DNM1L: variants seen among roughly 807,000 people sequenced by gnomAD.
DNM1L encodes dynamin 1L, also known as dynamin-1-like protein.
A neutral mutation model predicts 92.8 loss-of-function variants in DNM1L; 33 were observed. The observed-to-expected ratio is 0.36, with a 90% CI of 0.27 to 0.48. The LOEUF is 0.48. DNM1L is among the 20% of genes least tolerant of loss of function. The pLI is 0.99. For synonymous variants in DNM1L, 284 were observed against 305.0 expected, an observed-to-expected ratio of 0.93 and a Z score of 0.72; for missense variants, 485 against 888.8, an observed-to-expected ratio of 0.55 and a Z score of 5.78.
rs1463562994 is a variant in DNM1L at position 32,713,185 on chromosome 12, C to T, written c.457-24C>T. 2.5e-6 allele frequency: 4 copies of T among 1,613,032 alleles called. No individual in the cohort carries two copies. The East Asian group carries it at 6.7e-5, about 27-fold the overall frequency. On this transcript the variant is annotated intron_variant, in intron 5 of 19. Coordinates refer to ENST00000549701, the MANE Select transcript of DNM1L (RefSeq NM_012062.5). ...TGAGTTGATTTTTAATTATTAGTTC[C>T]TTGCTCATCTCTGTTTGGTTTAGGT...
Position 32,686,544 on chromosome 12 carries a change from A to G in DNM1L, c.102+7079A>G, listed in dbSNP as rs778938071. 2.8e-4 allele frequency among the ~76,000 whole-genome samples: 43 copies of G among 152,188 alleles called. 1 individual carries two copies. Among genetic ancestry groups the G allele is most frequent in the Non-Finnish European group, 5.6e-4 (38 of 68,044 alleles). ...ACCACATTGGTTTATTCAATCACCT[A>G]TTGATGAGCAATTGGGTTGTTTCTG... On this transcript the variant is annotated intron_variant, in intron 1 of 19. Coordinates refer to ENST00000549701, the MANE Select transcript of DNM1L (RefSeq NM_012062.5).
rs183846598 is a variant in DNM1L at position 32,720,529 on chromosome 12, A to G, written c.741-135A>G. Reference sequence around the variant, plus strand: ...ATACAATGGGGTAATAATACCTGCCACATAAAATTATTGTGAGAATTAAAT... The same window carrying G: ...ATACAATGGGGTAATAATACCTGCCGCATAAAATTATTGTGAGAATTAAAT... On this transcript the variant is annotated intron_variant, in intron 7 of 19. Coordinates refer to ENST00000549701, the MANE Select transcript of DNM1L (RefSeq NM_012062.5). 11 of 1,330,554 alleles carry G rather than the reference A, an allele frequency of 8.3e-6. No individual in the cohort carries two copies. In the African/African-American group the frequency reaches 1.0e-4, roughly 12 times the overall value. The allele number at this position is 1,330,554 out of a possible 1,614,324, so 82.4% of individuals were successfully genotyped here.
In DNM1L at chr12:32,737,902, A is replaced by G; in HGVS notation, c.1634A>G (p.Gln545Arg). The change falls in exon 15 of 20, where the codon CAG becomes CGG. Residue 545 changes from glutamine (Q) to arginine (R), a missense_variant. Coordinates refer to ENST00000549701, the MANE Select transcript of DNM1L (RefSeq NM_012062.5). ...CCAAGTGCTTTGGCACCTGCCTCCC[A>G]GGAGCCCTCCCCCGCTGCTTCTGCT... The part of the protein sequence containing the change: ...KVPSALAPAS[Q>R]EPSPAASAEA... 1 of 1,613,960 alleles carries G rather than the reference A, an allele frequency of 6.2e-7. No homozygotes were observed. Among genetic ancestry groups the G allele is most frequent in the Non-Finnish European group, 8.5e-7 (1 of 1,179,980 alleles).
chr12:32,740,546 A>T (rs1234026269), intron 18 of DNM1L, 28 bp downstream of exon 18: 1 of 1,538,516 alleles, frequency 6.5e-7, no homozygotes. Context: ...TAAATGACGG[A>T]CTTTAATACT....
At chr12:32,711,427 C>T (rs891808999) in intron 5 of DNM1L, among the ~76,000 whole-genome samples, 3 of 151,798 alleles carry the variant, frequency 2.0e-5, no homozygotes, top group African/African-American at 4.8e-5. Flanking sequence ...AGTTGCTATT[C>T]GACATATACA....
At chr12:32,715,368 T>C (rs918019149) in intron 6 of DNM1L, among the ~76,000 whole-genome samples, 18 of 152,074 alleles carry the variant, frequency 1.2e-4, no homozygotes, top group African/African-American at 4.3e-4. Context: ...GTTGGAAAGA[T>C]TAAGTAAATT....
intron 9 of DNM1L, among the ~76,000 whole-genome samples, chr12:32,724,619 T>G (rs1397455853): frequency 7.5e-6 from 1 of 133,170 alleles, no homozygotes; most frequent in Non-Finnish European, 1.6e-5. Context: ...TATATATATA[T>G]AAATTATATT....
chr12:32,701,324 T>A lies in DNM1L; in HGVS notation c.103-91T>A, dbSNP rs892868096. On this transcript the variant is annotated intron_variant, in intron 1 of 19. Coordinates refer to ENST00000549701, the MANE Select transcript of DNM1L (RefSeq NM_012062.5). ...TGCACTAATTTTTCCTTTAAAATAA[T>A]TCTGTATGCTGGTTTGTTAATATAG... 5 of 1,157,240 alleles carry A rather than the reference T, an allele frequency of 4.3e-6. No homozygotes were observed. In the African/African-American group the frequency reaches 7.9e-5, roughly 18 times the overall value. The allele number at this position is 1,157,240 out of a possible 1,614,324, so 71.7% of individuals were successfully genotyped here.
chr12:32,692,735 A>G (rs1952281084), intron 1 of DNM1L: 1 of 152,240 alleles, frequency 6.6e-6, no homozygotes, highest in Admixed American at 6.5e-5. Flanking sequence ...TATCCATCTT[A>G]ACATTAGGCT....
At chr12:32,726,591 G>A in intron 9 of DNM1L, 2 of 1,175,638 alleles carry the variant, frequency 1.7e-6, no homozygotes, top group Non-Finnish European at 2.5e-6. Context: ...GAAGTCTGCA[G>A]CAAGGATAGC....
chr12:32,733,086 G>C (rs1954661764), intron 12 of DNM1L, among the ~76,000 whole-genome samples: 2 of 152,182 alleles, frequency 1.3e-5, no homozygotes, highest in Admixed American at 1.3e-4. Flanking sequence ...GGCAATGAGA[G>C]CGAAACTCCG....
intron 1 of DNM1L, among the ~76,000 whole-genome samples, chr12:32,684,806 A>G (rs1012060855): frequency 2.0e-5 from 3 of 152,192 alleles, no homozygotes; most frequent in Admixed American, 1.3e-4. Context: ...TGGCAGAATA[A>G]TAAATATTAC....
rs767560680 is a variant in DNM1L at position 32,740,390 on chromosome 12, C to T, written c.1885-19C>T. 105 of 1,600,756 alleles carry T rather than the reference C, an allele frequency of 6.6e-5. No homozygotes were observed. The highest frequency in any genetic ancestry group is 2.4e-4 in the African/African-American group (16 of 65,448). On this transcript the variant is annotated intron_variant, in intron 17 of 19. Coordinates refer to ENST00000549701, the MANE Select transcript of DNM1L (RefSeq NM_012062.5). ...TAGTGTCACAAAAGTAATATTTTTT[C>T]CCCCTCATCCCTATTTAGCCAGTTC...
At chr12:32,711,207 A>T in intron 5 of DNM1L, 192 bp downstream of exon 5, 2 of 561,886 alleles carry the variant, frequency 3.6e-6, no homozygotes, top group East Asian at 3.2e-5. Context: ...GTTTATCTCC[A>T]GTCTCACTGG....
At position 32,731,845 on chromosome 12, in the gene DNM1L, C is replaced by A; in HGVS notation, c.1357-9C>A. ...ACAAACACGTTTTTCTTTCATCTAC[C>A]ATTTGTAGGAATTGTTACGATTTCC... On this transcript the variant is annotated splice_polypyrimidine_tract_variant and intron_variant, in intron 11 of 19. Coordinates refer to ENST00000549701, the MANE Select transcript of DNM1L (RefSeq NM_012062.5). The surrounding 1 kb of genome is among the most constrained non-coding windows in gnomAD (Gnocchi z 5.1). 6.2e-7 allele frequency: 1 copy of A among 1,603,888 alleles called. No homozygotes were observed. The highest frequency in any genetic ancestry group is 1.1e-5 in the South Asian group (1 of 89,446).
rs180748899 is a variant in DNM1L, at chr12:32,691,820, A to G, written c.103-9595A>G. Among the ~76,000 whole-genome samples the G allele has an allele frequency of 8.7e-4, 133 of 152,354 alleles. No individual in the cohort carries two copies. In the Middle Eastern group the frequency reaches 0.01, roughly 12 times the overall value. ...AGGAGAGAAACGATAATCCTAACAG[A>G]TAAAAGACAAAAGTTCCCCAGAGCT... On this transcript the variant is annotated intron_variant, in intron 1 of 19. Transcript: ENST00000549701.
Position 32,717,357 on chromosome 12 carries a change from G to C in DNM1L, c.620-1286G>C, listed in dbSNP as rs551300689. On this transcript the variant is annotated intron_variant, in intron 6 of 19. Coordinates refer to ENST00000549701, the MANE Select transcript of DNM1L (RefSeq NM_012062.5). ...TTATATATACTATATATTATATATA[G>C]TATATATAATATATATACTATATAT... Among the ~76,000 whole-genome samples, 547 of 54,904 alleles carry C rather than the reference G, an allele frequency of 1.0e-2. 31 individuals are homozygous for C. The highest frequency in any genetic ancestry group is 0.036 in the African/African-American group (440 of 12,066). 36.0% of individuals were successfully genotyped at this position (54,904 alleles called of 152,430 possible). A position where few individuals can be genotyped will look rare whatever the true frequency, so the allele number is the denominator to read the frequency against.
chr12:32,718,119 A>G (rs1274311705), intron 6 of DNM1L, among the ~76,000 whole-genome samples: 1 of 139,768 alleles, frequency 7.2e-6, no homozygotes, highest in East Asian at 2.0e-4. Context: ...TATATATAAT[A>G]TAGTATATAT....
In DNM1L at chr12:32,727,164, C is replaced by T. The variant is rs116740356; in HGVS notation, c.1080-3850C>T. ...ATCTTCTTCATCTGGTTTCCATTCA[C>T]ATTCTTCCTCTGTAGGTTCATAAAT... is the stretch of plus-strand genomic sequence containing the variant. On this transcript the variant is annotated intron_variant, in intron 9 of 19. Coordinates refer to ENST00000549701, the MANE Select transcript of DNM1L (RefSeq NM_012062.5). The T allele has an allele frequency of 4.4e-5, 37 of 837,222 alleles. No homozygotes were observed. The African/African-American group carries it at 5.2e-4, about 12-fold the overall frequency. The allele number at this position is 837,222 out of a possible 1,614,324, so 51.9% of individuals were successfully genotyped here.
Sources: allele counts gnomAD v4.1 joint callset (sites outside exome capture counted in the v4.1 genomes callset), GRCh38; gene constraint gnomAD v4.1.1; non-coding constraint Gnocchi (gnomAD v3.1); transcripts MANE v1.5; gene names NCBI Gene and HGNC (gene_info 2026-07-23, HGNC 2026-07-21).